The following USP4 variants were observed in gnomAD, a reference collection of about 807,000 sequenced individuals.
USP4 encodes ubiquitin specific peptidase 4, also known as ubiquitin carboxyl-terminal hydrolase 4.
In USP4, 72 loss-of-function variants were observed where a neutral mutation model predicts 118.2. That is an observed-to-expected ratio of 0.61 (90% CI 0.50 to 0.74). USP4 has a LOEUF of 0.74. Among genes scored for constraint, USP4 ranks in the 30% least tolerant of loss-of-function variants. The pLI, the probability that USP4 is intolerant of heterozygous loss-of-function variation, is 0.00. For missense variants in USP4, 1,037 were observed against 1,185.7 expected (o/e 0.87, Z 1.84); for synonymous variants, 415 against 440.4 (o/e 0.94, Z 0.72).
At chr3:49,280,643 C>T (rs763123670) in intron 20 of USP4, 101 bp downstream of exon 20, 43 of 784,300 alleles carry the variant, frequency 5.5e-5, no homozygotes, top group South Asian at 3.8e-4. Flanking sequence ...GCCTGTGAAA[C>T]TGCATAAGCA....
At position 49,339,912 on chromosome 3, in the gene USP4, C is replaced by T. The variant is rs778382958; in HGVS notation, c.101+12G>A. 3 of 1,610,354 alleles carry T rather than the reference C, an allele frequency of 1.9e-6. No homozygotes were observed. The highest frequency in any genetic ancestry group is 4.5e-5 in the East Asian group (2 of 44,782). On this transcript the variant is annotated intron_variant, in intron 1 of 21. Transcript: ENST00000265560. ...TGGTTCTGCATAGAGGAAGAGCGAG[C>T]CGGGAGCTCACCACTGCGCCCCGCG...
At chr3:49,291,620 A>G (rs2107772128) in intron 15 of USP4, among the ~76,000 whole-genome samples, 1 of 151,840 alleles carries the variant, frequency 6.6e-6, no homozygotes, top group South Asian at 2.1e-4. Context: ...GAAAAAATTT[A>G]CAGCACTAGC....
chr3:49,317,497 T>C (rs1381504135), intron 6 of USP4: 4 of 648,574 alleles, frequency 6.2e-6, no homozygotes, highest in Non-Finnish European at 1.1e-5. Flanking sequence ...TTTTTTGAGA[T>C]GGAGTTTCAC....
At chr3:49,300,855 C>T (rs2047256122) in intron 10 of USP4, among the ~76,000 whole-genome samples, 164 bp from the exon 11 acceptor site, 1 of 152,136 alleles carries the variant, frequency 6.6e-6, no homozygotes, top group Non-Finnish European at 1.5e-5. Context: ...GTGTATCATA[C>T]TCATACCACA....
chr3:49,301,158 C>A (rs1309285224), intron 10 of USP4, among the ~76,000 whole-genome samples: 1 of 151,984 alleles, frequency 6.6e-6, no homozygotes, highest in Non-Finnish European at 1.5e-5. Context: ...CCAGACAGTT[C>A]TAGAGCTCCT....
intron 6 of USP4, chr3:49,311,908 G>A (rs898532597): frequency 4.3e-6 from 5 of 1,160,768 alleles, no homozygotes; most frequent in East Asian, 1.2e-4. Flanking sequence ...CTGACCAGGC[G>A]CAGTGGCTCG....
intron 16 of USP4, among the ~76,000 whole-genome samples, chr3:49,285,841 C>G (rs1363512528): frequency 6.6e-6 from 1 of 152,148 alleles, no homozygotes; most frequent in Non-Finnish European, 1.5e-5. Context: ...GTTATCGACC[C>G]ACAGCAAATT....
chr3:49,309,943 C>CTTTTTT lies in USP4; in HGVS notation c.954+671_954+676dup, dbSNP rs773669515. Among the ~76,000 whole-genome samples, 329 of 40,202 alleles carry CTTTTTT rather than the reference C, an allele frequency of 8.2e-3. 96 individuals are homozygous for CTTTTTT. The highest frequency in any genetic ancestry group is 0.035 in the African/African-American group (307 of 8,692). The allele number at this position is 40,202 out of a possible 152,430, so 26.4% of individuals were successfully genotyped here. A position where few individuals can be genotyped will look rare whatever the true frequency, so the allele number is the denominator to read the frequency against. ...TGCTGCCCCCGGACTTTTTTTTAAT[C>CTTTTTT]TTTTTTTTTTTTTTTTTTTTTTTGA... On this transcript the variant is annotated intron_variant, in intron 8 of 21. Transcript: ENST00000265560.
Position 49,277,959 on chromosome 3 carries a change from G to C in USP4, c.*334C>G, listed in dbSNP as rs2046980145. ...CCCTGCAGGTGGGGTGGGTCTCCAG[G>C]CTGCTCCATACTCAGCGCCTGTGTT... On this transcript the variant is annotated 3_prime_UTR_variant, in exon 22 of 22. Coordinates refer to ENST00000265560, the MANE Select transcript of USP4 (RefSeq NM_003363.4). The C allele has an allele frequency of 4.8e-6, 2 of 416,218 alleles. No homozygotes were observed. The highest frequency in any genetic ancestry group is 8.4e-6 in the Non-Finnish European group (2 of 237,948). 25.8% of individuals were successfully genotyped at this position (416,218 alleles called of 1,614,324 possible).
intron 2 of USP4, among the ~76,000 whole-genome samples, chr3:49,331,044 G>A (rs533653129): frequency 5.9e-5 from 9 of 151,888 alleles, no homozygotes; most frequent in East Asian, 3.9e-4. Flanking sequence ...TTGGGAGGCC[G>A]GGCGTGGTGG....
intron 10 of USP4, 97 bp downstream of exon 10, chr3:49,302,287 T>C (rs1400327986): frequency 4.6e-5 from 66 of 1,423,656 alleles, no homozygotes; most frequent in Non-Finnish European, 5.7e-5. Context: ...ACCAGGGCCC[T>C]GGCAACAACA....
intron 19 of USP4, among the ~76,000 whole-genome samples, chr3:49,283,326 T>C (rs1208843904): frequency 1.3e-5 from 2 of 151,850 alleles, no homozygotes; most frequent in African/African-American, 2.4e-5. Context: ...TTTTTTTAAA[T>C]ATATTTTTTA....
At chr3:49,317,158 A>G (rs771456766) in intron 6 of USP4, 4 of 1,435,796 alleles carry the variant, frequency 2.8e-6, no homozygotes, top group Non-Finnish European at 3.9e-6. Context: ...CCTCTTCAGG[A>G]CACTGAGCAA....
At chr3:49,296,549 T>C (rs1277209130) in intron 13 of USP4, among the ~76,000 whole-genome samples, 1 of 150,148 alleles carries the variant, frequency 6.7e-6, no homozygotes, top group African/African-American at 2.5e-5. Flanking sequence ...CTCGGGAGGC[T>C]GAGGCAGAAA....
At chr3:49,299,524 C>G (rs968523885) in intron 11 of USP4, among the ~76,000 whole-genome samples, 3 of 151,902 alleles carry the variant, frequency 2.0e-5, no homozygotes, top group African/African-American at 7.3e-5. Context: ...GCCCGAGTAG[C>G]TGGGACTACA....
Position 49,300,696 on chromosome 3 carries a change from G to A in USP4, c.1288-5C>T, listed in dbSNP as rs748500660. ...CCAGGCTTCCTTTGCCACCACCTGC[G>A]TCAAAGGGATAAACAGGACATTCTC... On this transcript the variant is annotated splice_polypyrimidine_tract_variant and splice_region_variant and intron_variant, in intron 10 of 21. Coordinates refer to ENST00000265560, the MANE Select transcript of USP4 (RefSeq NM_003363.4). The A allele has an allele frequency of 1.2e-5, 19 of 1,613,396 alleles. No individual in the cohort carries two copies. The highest frequency in any genetic ancestry group is 7.7e-5 in the South Asian group (7 of 90,986).
rs1017354301 is a variant in USP4, at chr3:49,294,477, G to C, written c.1813C>G (p.Leu605Val). 1 of 1,614,090 alleles carries C rather than the reference G, an allele frequency of 6.2e-7. No homozygotes were observed. Among genetic ancestry groups the C allele is most frequent in the Non-Finnish European group, 8.5e-7 (1 of 1,180,036 alleles). The change falls in exon 14 of 22, where the codon CTA (leucine) becomes GTA (valine). Residue 605 changes from leucine to valine, a missense_variant. Transcript: ENST00000265560. ...TTGTGCTTGGGGACAGAAAGCAATA[G>C]TGGCTGCCCATATAGCGCTGATGCG... ...SSASALYGQP[L>V]LLSVPKHKLT...
At chr3:49,287,211 A>G (rs1186271859) in intron 15 of USP4, among the ~76,000 whole-genome samples, 1 of 151,784 alleles carries the variant, frequency 6.6e-6, no homozygotes, top group Admixed American at 6.6e-5. Flanking sequence ...CTGGAATGCA[A>G]TGGCGTGATC....
intron 6 of USP4, chr3:49,311,906 G>C: frequency 8.6e-7 from 1 of 1,165,636 alleles, no homozygotes; most frequent in Non-Finnish European, 1.1e-6. Context: ...GGCTGACCAG[G>C]CGCAGTGGCT....
Sources: allele counts gnomAD v4.1 joint callset (sites outside exome capture counted in the v4.1 genomes callset), GRCh38; gene constraint gnomAD v4.1.1; transcripts MANE v1.5; gene names NCBI Gene and HGNC (gene_info 2026-07-23, HGNC 2026-07-21).